Variants in LAMA2 observed in about 807,000 individuals in gnomAD.
LAMA2 encodes the protein laminin subunit alpha 2, also known as laminin subunit alpha-2.
A neutral mutation model predicts 364.8 loss-of-function variants in LAMA2; 269 were observed. The ratio of observed to expected loss-of-function variants is 0.74; its 90% CI spans 0.67 to 0.82. The LOEUF is 0.82. Among genes scored for constraint, LAMA2 ranks in the 40% least tolerant of loss-of-function variants. The pLI is 0.00. For missense variants in LAMA2, 3,807 were observed against 3,873.2 expected (o/e 0.98, Z 0.45); for synonymous variants, 1,379 against 1,370.6 (o/e 1.01, Z -0.14).
intron 8 of LAMA2, among the ~76,000 whole-genome samples, chr6:129,161,446 T>C (rs1004109959): frequency 1.3e-5 from 2 of 152,216 alleles, no homozygotes; most frequent in African/African-American, 2.4e-5. Context: ...CTTTTCTGTC[T>C]ACTTTTATGT....
chr6:129,279,852 T>C (rs985969366), intron 17 of LAMA2, among the ~76,000 whole-genome samples: 17 of 152,258 alleles, frequency 1.1e-4, no homozygotes, highest in African/African-American at 4.1e-4. Flanking sequence ...GGGATACTGC[T>C]CTCCACTGGG....
At chr6:129,281,034 T>C (rs1259958782) in intron 18 of LAMA2, among the ~76,000 whole-genome samples, 2 of 152,076 alleles carry the variant, frequency 1.3e-5, no homozygotes, top group South Asian at 4.1e-4. Flanking sequence ...CAGGAGCCTA[T>C]CACCCAGAGA....
At chr6:129,013,902 T>C (rs1423622866) in intron 1 of LAMA2, among the ~76,000 whole-genome samples, 1 of 152,026 alleles carries the variant, frequency 6.6e-6, no homozygotes, top group Non-Finnish European at 1.5e-5. Context: ...ATAGGTTTCA[T>C]GAAAATGGGA....
chr6:129,465,660 G>A (rs970720370), intron 51 of LAMA2, among the ~76,000 whole-genome samples: 4 of 151,894 alleles, frequency 2.6e-5, no homozygotes, highest in South Asian at 4.1e-4. Flanking sequence ...AGGAGTGGTA[G>A]GGCATAGTTA....
At chr6:129,493,755 A>C (rs142291067) in intron 58 of LAMA2, among the ~76,000 whole-genome samples, 1 of 152,318 alleles carries the variant, frequency 6.6e-6, no homozygotes, top group African/African-American at 2.4e-5. Flanking sequence ...AATAAGAATT[A>C]GCTATCTTAA....
At chr6:129,502,923 C>G (rs1489596947) in intron 59 of LAMA2, 152 bp downstream of exon 59, 1 of 882,558 alleles carries the variant, frequency 1.1e-6, no homozygotes, top group East Asian at 2.6e-5. Flanking sequence ...TTTTATTTGT[C>G]TGAGCCTGAG....
intron 3 of LAMA2, 27 bp from the exon 4 acceptor site, chr6:129,098,146 G>A: frequency 6.2e-7 from 1 of 1,612,346 alleles, no homozygotes. Context: ...GGAATTCAAT[G>A]TTATTGTTGT....
At chr6:129,182,279 A>G (rs1257350941) in intron 10 of LAMA2, among the ~76,000 whole-genome samples, 2 of 151,686 alleles carry the variant, frequency 1.3e-5, no homozygotes, top group African/African-American at 4.8e-5. Context: ...AATGTTTACC[A>G]TTTCTATTAA....
intron 3 of LAMA2, among the ~76,000 whole-genome samples, chr6:129,094,354 G>C (rs1775041032): frequency 6.6e-6 from 1 of 152,206 alleles, no homozygotes. Context: ...ATATTGTTTT[G>C]AAATGGGACT....
chr6:129,271,733 T>C (rs1787956202), intron 17 of LAMA2, among the ~76,000 whole-genome samples: 1 of 152,138 alleles, frequency 6.6e-6, no homozygotes, highest in African/African-American at 2.4e-5. Context: ...TCATATCGTA[T>C]TGTACACTTT....
At chr6:129,031,548 T>C (rs1786222262) in intron 1 of LAMA2, among the ~76,000 whole-genome samples, 2 of 152,206 alleles carry the variant, frequency 1.3e-5, no homozygotes, top group Admixed American at 1.3e-4. Context: ...TTTTCCAAGA[T>C]GGAAAATGTA....
chr6:129,273,304 A>G (rs1316548917), intron 17 of LAMA2, among the ~76,000 whole-genome samples: 1 of 152,096 alleles, frequency 6.6e-6, no homozygotes, highest in Non-Finnish European at 1.5e-5. Flanking sequence ...CATGAAACTC[A>G]TTGTTCACGA....
chr6:129,152,144 A>G (rs973900745), intron 7 of LAMA2, among the ~76,000 whole-genome samples: 11 of 152,226 alleles, frequency 7.2e-5, no homozygotes, highest in Non-Finnish European at 1.5e-4. Context: ...CAAAACAGGT[A>G]TTCCTCAGAA....
chr6:129,223,204 G>C (rs1490557859), intron 12 of LAMA2, among the ~76,000 whole-genome samples: 3 of 152,038 alleles, frequency 2.0e-5, no homozygotes, highest in Non-Finnish European at 4.4e-5. Context: ...TTTTTTTCTT[G>C]TAAGTTTGTT....
chr6:129,189,638 T>A (rs1781417905), intron 10 of LAMA2, among the ~76,000 whole-genome samples: 1 of 152,118 alleles, frequency 6.6e-6, no homozygotes, highest in Non-Finnish European at 1.5e-5. Context: ...AAACTTTGCT[T>A]TCTACTTTAT....
chr6:129,227,500 G>A (rs1562354984), intron 12 of LAMA2, among the ~76,000 whole-genome samples: 1 of 152,118 alleles, frequency 6.6e-6, no homozygotes, highest in Non-Finnish European at 1.5e-5. Flanking sequence ...GTACGGATGG[G>A]GTTTTGGTGT....
intron 1 of LAMA2, among the ~76,000 whole-genome samples, chr6:128,891,387 C>G (rs1352990832): frequency 6.6e-6 from 1 of 151,882 alleles, no homozygotes; most frequent in Non-Finnish European, 1.5e-5. Flanking sequence ...TTTCAAATGC[C>G]TACATATTAT....
At chr6:129,337,216 A>C (rs1055411342) in intron 29 of LAMA2, among the ~76,000 whole-genome samples, 1 of 152,240 alleles carries the variant, frequency 6.6e-6, no homozygotes, top group East Asian at 1.9e-4. Context: ...ACTTGATTGC[A>C]GATTCACTAG....
chr6:129,301,603 G>A (rs1320740258), intron 22 of LAMA2, among the ~76,000 whole-genome samples: 1 of 152,138 alleles, frequency 6.6e-6, no homozygotes, highest in African/African-American at 2.4e-5. Context: ...CAATGGAGTA[G>A]ATGATAATAA....
Sources: gnomAD v4.1 joint callset for allele counts (sites outside exome capture counted in the v4.1 genomes callset) on GRCh38, gnomAD v4.1.1 for gene constraint, MANE v1.5 for transcripts, NCBI Gene and HGNC (gene_info 2026-07-23, HGNC 2026-07-21) for gene names.